The following CHN2 variants were observed in gnomAD, a reference collection of about 807,000 sequenced individuals.
CHN2 encodes the protein beta-chimaerin.
Under a neutral mutation model 56.3 loss-of-function variants are expected in CHN2, and 35 were observed. The observed-to-expected ratio is 0.62, with a 90% CI of 0.47 to 0.82. The LOEUF (loss-of-function observed/expected upper bound fraction) is 0.82, where lower values mean the gene tolerates loss of function less well. Among genes scored for constraint, CHN2 ranks in the 40% least tolerant of loss-of-function variants. CHN2 has a pLI of 0.00. For missense variants in CHN2, 491 were observed against 580.5 expected, an observed-to-expected ratio of 0.85 and a Z score of 1.58; for synonymous variants, 210 against 212.8, an observed-to-expected ratio of 0.99 and a Z score of 0.12.
At chr7:29,238,493 T>C (rs1362879710) in intron 1 of CHN2, among the ~76,000 whole-genome samples, 2 of 152,216 alleles carry the variant, frequency 1.3e-5, no homozygotes, top group Admixed American at 1.3e-4. Context: ...TAACATATAT[T>C]GATCATGAGC....
At chr7:29,340,367 A>G (rs1007666470) in intron 1 of CHN2, among the ~76,000 whole-genome samples, 5 of 149,234 alleles carry the variant, frequency 3.4e-5, no homozygotes, top group Admixed American at 6.7e-5. Context: ...TCTCATCAGG[A>G]AAATGCACAC....
At chr7:29,218,564 C>A (rs958879682) in intron 1 of CHN2, among the ~76,000 whole-genome samples, 1 of 151,972 alleles carries the variant, frequency 6.6e-6, no homozygotes. Context: ...AAATGTCCAA[C>A]AACGATAGAC....
At position 29,514,142 on chromosome 7, in the gene CHN2, C is replaced by T. The variant is rs1233192927; in HGVS notation, c.*1407C>T. On this transcript the variant is annotated 3_prime_UTR_variant, in exon 13 of 13. Transcript: ENST00000222792. ...ACTCCATTGGCACAGGGAGGTTTGA[C>T]CTCTTCCCTGCTATTATCCCTCCTC... 1 of 152,692 alleles carries T rather than the reference C, an allele frequency of 6.5e-6. No homozygotes were observed. The highest frequency in any genetic ancestry group is 2.4e-5 in the African/African-American group (1 of 41,546). 9.5% of individuals were successfully genotyped at this position (152,692 alleles called of 1,614,324 possible). A position where few individuals can be genotyped will look rare whatever the true frequency, so the allele number is the denominator to read the frequency against.
At chr7:29,150,412 G>T (rs1368837173) in intron 2 of CHN2, among the ~76,000 whole-genome samples, 1 of 152,114 alleles carries the variant, frequency 6.6e-6, no homozygotes. Context: ...AAGATTCTAG[G>T]CTGTGACTGC....
intron 2 of CHN2, among the ~76,000 whole-genome samples, chr7:29,170,754 A>C (rs1562805924): frequency 6.6e-6 from 1 of 152,226 alleles, no homozygotes; most frequent in Non-Finnish European, 1.5e-5. Context: ...AAAGAGGTTT[A>C]ATTGGACTTA....
At chr7:29,233,692 G>A (rs893936101) in intron 1 of CHN2, among the ~76,000 whole-genome samples, 4 of 152,080 alleles carry the variant, frequency 2.6e-5, no homozygotes, top group African/African-American at 7.3e-5. Flanking sequence ...AAGACTCAAC[G>A]GGCCATTGCT....
chr7:29,221,803 A>G (rs528805835), intron 1 of CHN2, among the ~76,000 whole-genome samples: 47 of 152,296 alleles, frequency 3.1e-4, no homozygotes, highest in African/African-American at 1.1e-3. Context: ...ATTCCTTTTT[A>G]TGGCTGCATA....
chr7:29,473,473 T>TTTTTG (rs1554298966), intron 6 of CHN2, among the ~76,000 whole-genome samples: 9 of 108,078 alleles, frequency 8.3e-5, no homozygotes, highest in African/African-American at 3.2e-4. Flanking sequence ...TGTTTGTGTT[T>TTTTTG]TTTTTTTTTT....
chr7:29,451,594 G>A (rs537753316), intron 6 of CHN2, among the ~76,000 whole-genome samples: 16 of 151,996 alleles, frequency 1.1e-4, no homozygotes, highest in Middle Eastern at 3.4e-3. Flanking sequence ...AATATATTAC[G>A]TTTTAAAATG....
chr7:29,417,507 T>C (rs1803895771), intron 6 of CHN2, among the ~76,000 whole-genome samples: 1 of 152,042 alleles, frequency 6.6e-6, no homozygotes, highest in Non-Finnish European at 1.5e-5. Context: ...GGCTAATTTT[T>C]TGTATTTTTA....
intron 6 of CHN2, among the ~76,000 whole-genome samples, chr7:29,468,677 A>G (rs1785774597): frequency 6.6e-6 from 1 of 152,030 alleles, no homozygotes; most frequent in Non-Finnish European, 1.5e-5. Context: ...CCATTCTTAA[A>G]ACACGTGCAA....
chr7:29,322,822 A>G (rs1184018611), intron 1 of CHN2, among the ~76,000 whole-genome samples: 1 of 152,126 alleles, frequency 6.6e-6, no homozygotes, highest in Non-Finnish European at 1.5e-5. Context: ...AGCTTCTTGT[A>G]ATGGGGAACG....
chr7:29,240,824 C>T (rs1009563268), intron 1 of CHN2, among the ~76,000 whole-genome samples: 4 of 151,748 alleles, frequency 2.6e-5, no homozygotes, highest in Non-Finnish European at 5.9e-5. Context: ...TCTTCGTCGT[C>T]GTCGTCGTCG....
upstream of CHN2, chr7:29,194,617 G>T (rs911973512): frequency 3.7e-6 from 1 of 271,504 alleles, no homozygotes; most frequent in Non-Finnish European, 6.8e-6. Context: ...GAGCGTGGAC[G>T]GCAGAGGGGC....
chr7:29,505,337 A>AATCTGTATT (rs1790448243), intron 10 of CHN2, among the ~76,000 whole-genome samples: 1 of 152,174 alleles, frequency 6.6e-6, no homozygotes, highest in African/African-American at 2.4e-5. Flanking sequence ...TAAGCCCAAG[A>AATCTGTATT]ATCTGTATTT....
At chr7:29,154,759 C>T (rs751571125) in intron 2 of CHN2, among the ~76,000 whole-genome samples, 7 of 152,118 alleles carry the variant, frequency 4.6e-5, no homozygotes, top group Non-Finnish European at 7.4e-5. Flanking sequence ...CTCTAGAACC[C>T]GGAAGGCAGA....
chr7:29,172,217 CA>C (rs1285413006), intron 2 of CHN2, among the ~76,000 whole-genome samples: 1 of 152,160 alleles, frequency 6.6e-6, no homozygotes, highest in African/African-American at 2.4e-5. Flanking sequence ...ATCATTAAAA[CA>C]GCACCACCTA....
intron 6 of CHN2, among the ~76,000 whole-genome samples, chr7:29,430,970 A>G (rs1211584233): frequency 1.3e-5 from 2 of 152,066 alleles, no homozygotes; most frequent in African/African-American, 2.4e-5. Context: ...TTCTTAGTCA[A>G]TTCCTGGGAT....
At chr7:29,280,962 G>C (rs1403963564) in intron 1 of CHN2, among the ~76,000 whole-genome samples, 1 of 152,120 alleles carries the variant, frequency 6.6e-6, no homozygotes, top group African/African-American at 2.4e-5. Flanking sequence ...CGGGCATGGT[G>C]GCGCATGCCT....
Sources: allele counts gnomAD v4.1 joint callset (sites outside exome capture counted in the v4.1 genomes callset), GRCh38; gene constraint gnomAD v4.1.1; transcripts MANE v1.5; gene names NCBI Gene and HGNC (gene_info 2026-07-23, HGNC 2026-07-21).